The following TSHZ2 variants were observed in gnomAD, a reference collection of about 807,000 sequenced individuals.
TSHZ2 encodes teashirt homolog 2.
A neutral mutation model predicts 74.4 loss-of-function variants in TSHZ2; 21 were observed. The observed-to-expected ratio is 0.28, with a 90% CI of 0.20 to 0.41. The LOEUF (loss-of-function observed/expected upper bound fraction) is 0.41. Ranked by LOEUF, TSHZ2 falls within the 10% of genes least tolerant of loss-of-function variation. The pLI is 1.00. For synonymous variants in TSHZ2, 540 were observed against 515.3 expected (o/e 1.05, Z -0.65); for missense variants, 1,244 against 1,293.5 (o/e 0.96, Z 0.59).
chr20:53,128,979 A>G (rs924201157), intron 1 of TSHZ2, among the ~76,000 whole-genome samples: 7 of 152,092 alleles, frequency 4.6e-5, no homozygotes, highest in Non-Finnish European at 8.8e-5. Context: ...CCCTCTGTTG[A>G]GCACTTTGGT....
At chr20:53,312,709 G>A (rs1407761188) in intron 2 of TSHZ2, among the ~76,000 whole-genome samples, 1 of 152,098 alleles carries the variant, frequency 6.6e-6, no homozygotes, top group Admixed American at 6.5e-5. Flanking sequence ...AGGTGGCAAG[G>A]TCTGTTTATA....
intron 1 of TSHZ2, among the ~76,000 whole-genome samples, chr20:53,145,088 GAGGATCC>G (rs1419458393): frequency 6.6e-6 from 1 of 152,174 alleles, no homozygotes; most frequent in African/African-American, 2.4e-5. Context: ...ATTTGGGCCT[GAGGATCC>G]TGAAAGATAC....
At chr20:53,260,608 A>G (rs1359880660) in intron 2 of TSHZ2, among the ~76,000 whole-genome samples, 1 of 152,174 alleles carries the variant, frequency 6.6e-6, no homozygotes. Context: ...TTTGGAAAAG[A>G]ATGCTGGATT....
At chr20:53,116,894 G>A (rs558015882) in intron 1 of TSHZ2, among the ~76,000 whole-genome samples, 8 of 152,134 alleles carry the variant, frequency 5.3e-5, no homozygotes, top group Admixed American at 3.9e-4. Context: ...CAACACTTGA[G>A]CAAGTTTAAA....
chr20:53,454,865 T>G (rs1984987027), intron 2 of TSHZ2, among the ~76,000 whole-genome samples: 1 of 152,168 alleles, frequency 6.6e-6, no homozygotes, highest in Admixed American at 6.5e-5. Flanking sequence ...ATCAAGGAAC[T>G]GAAACTTACC....
intron 2 of TSHZ2, among the ~76,000 whole-genome samples, chr20:53,463,841 T>G (rs144816285): frequency 5.9e-5 from 9 of 152,316 alleles, no homozygotes; most frequent in Non-Finnish European, 2.9e-5. Flanking sequence ...CTTGGTCAAG[T>G]TGCTTAACAT....
intron 1 of TSHZ2, among the ~76,000 whole-genome samples, chr20:53,211,317 G>A (rs1989297919): frequency 6.6e-6 from 1 of 152,150 alleles, no homozygotes; most frequent in African/African-American, 2.4e-5. Context: ...GTGAAACAAA[G>A]CAAAGCAAAA....
intron 2 of TSHZ2, among the ~76,000 whole-genome samples, chr20:53,460,807 G>A (rs1469395060): frequency 1.1e-4 from 17 of 152,262 alleles, no homozygotes; most frequent in Admixed American, 3.3e-4. Context: ...ATACCCTGCC[G>A]TGTGAGGTGT....
chr20:52,982,615 A>C (rs915155380), intron 1 of TSHZ2, among the ~76,000 whole-genome samples: 1 of 152,236 alleles, frequency 6.6e-6, no homozygotes, highest in Non-Finnish European at 1.5e-5. Flanking sequence ...GTAGACAAGA[A>C]TAGAGATGCC....
intron 2 of TSHZ2, among the ~76,000 whole-genome samples, chr20:53,309,936 A>G (rs1266123960): frequency 6.6e-6 from 1 of 152,208 alleles, no homozygotes. Flanking sequence ...CCATCTCGTT[A>G]TTGGACATTC....
chr20:53,209,913 GAGAGCAGA>G (rs1209543030), intron 1 of TSHZ2, among the ~76,000 whole-genome samples: 3 of 152,222 alleles, frequency 2.0e-5, no homozygotes, highest in Non-Finnish European at 4.4e-5. Context: ...GTTCTTCCAG[GAGAGCAGA>G]AGTACCTACT....
intron 2 of TSHZ2, among the ~76,000 whole-genome samples, chr20:53,485,258 A>G (rs1171160379): frequency 6.6e-6 from 1 of 152,252 alleles, no homozygotes; most frequent in Non-Finnish European, 1.5e-5. Flanking sequence ...AATTGCAAAC[A>G]TTAAATGTCC....
intron 1 of TSHZ2, among the ~76,000 whole-genome samples, chr20:53,195,633 G>A (rs1988845246): frequency 6.6e-6 from 1 of 152,188 alleles, no homozygotes; most frequent in African/African-American, 2.4e-5. Flanking sequence ...CCAGGACAGT[G>A]ACCCTGACGG....
At chr20:53,019,140 G>T (rs1208561676) in intron 1 of TSHZ2, among the ~76,000 whole-genome samples, 2 of 152,072 alleles carry the variant, frequency 1.3e-5, no homozygotes, top group Non-Finnish European at 2.9e-5. Flanking sequence ...TGGCACATAG[G>T]TTACAGGTCA....
At chr20:53,320,315 G>A (rs1276628009) in intron 2 of TSHZ2, among the ~76,000 whole-genome samples, 1 of 152,170 alleles carries the variant, frequency 6.6e-6, no homozygotes, top group African/African-American at 2.4e-5. Flanking sequence ...ACAGCTAGGA[G>A]GTGCATCTGA....
intron 2 of TSHZ2, among the ~76,000 whole-genome samples, chr20:53,270,764 C>A (rs1449698814): frequency 6.6e-6 from 1 of 152,114 alleles, no homozygotes; most frequent in Non-Finnish European, 1.5e-5. Context: ...TTCAAATGTG[C>A]ATGGTTTTAT....
intron 1 of TSHZ2, among the ~76,000 whole-genome samples, chr20:53,061,702 C>T (rs1358339407): frequency 2.0e-5 from 3 of 152,150 alleles, no homozygotes; most frequent in Non-Finnish European, 2.9e-5. Context: ...AGCAAGGTTC[C>T]AGAAAGACTC....
chr20:53,209,571 T>TA lies in TSHZ2; in HGVS notation c.41-43922dup, dbSNP rs1004965416. Among the ~76,000 whole-genome samples, 12 of 152,274 alleles carry TA rather than the reference T, an allele frequency of 7.9e-5. No homozygotes were observed. In the East Asian group the frequency reaches 1.7e-3, roughly 22 times the overall value. The stretch of plus-strand genomic sequence containing the variant: ...AGGATATATCAATACTATCTAGCCG[T>TA]AAAAAAGATACTGACAGGTGGCCCT... On this transcript the variant is annotated intron_variant, in intron 1 of 2. Coordinates refer to ENST00000371497, the MANE Select transcript of TSHZ2 (RefSeq NM_173485.6).
chr20:53,180,274 T>C (rs983613425), intron 1 of TSHZ2, among the ~76,000 whole-genome samples: 6 of 152,190 alleles, frequency 3.9e-5, no homozygotes, highest in Non-Finnish European at 8.8e-5. Context: ...TTCATTACAT[T>C]TTTGCATTTG....
Sources: allele counts gnomAD v4.1 joint callset (sites outside exome capture counted in the v4.1 genomes callset), GRCh38; gene constraint gnomAD v4.1.1; transcripts MANE v1.5; gene names NCBI Gene and HGNC (gene_info 2026-07-23, HGNC 2026-07-21).